The following LIN54 variants were observed in gnomAD, a reference collection of about 807,000 sequenced individuals.
LIN54 encodes protein lin-54 homolog.
LIN54 carries 9 observed loss-of-function variants against 78.7 expected under a neutral mutation model. That is an observed-to-expected ratio of 0.11 (90% CI 0.07 to 0.20). The LOEUF is 0.20. LIN54 is among the 10% of genes least tolerant of loss of function. The pLI is 1.00. For synonymous variants in LIN54, 269 were observed against 318.4 expected (o/e 0.84, Z 1.65); for missense variants, 573 against 889.9 (o/e 0.64, Z 4.53).
chr4:82,941,149 GATATAT>G (rs3081913), intron 5 of LIN54, among the ~76,000 whole-genome samples: 28 of 131,042 alleles, frequency 2.1e-4, no homozygotes, highest in East Asian at 4.9e-4. Flanking sequence ...GAGTTAAGAG[GATATAT>G]ATATATATAT....
At position 82,984,616 on chromosome 4, in the gene LIN54, C is replaced by G. The variant is rs1726958698; in HGVS notation, c.229G>C (p.Ala77Pro). Residue 77 changes from alanine (A) to proline (P), a missense_variant, in exon 2 of 13, where the codon GCA becomes CCA. Physicochemically the swap from Ala to Pro is conservative, Grantham distance 27 (BLOSUM62 -1). This residue lies in a region of LIN54 where 183 missense variants were observed against 228.4 expected (regional missense o/e 0.80). Transcript: ENST00000340417. Reference sequence around the variant, plus strand: ...GCTTTAGTAATTGTGGTATTCACTGCAACTTGGTTAGTGTGGTTACTGTAC... The same window carrying G: ...GCTTTAGTAATTGTGGTATTCACTGGAACTTGGTTAGTGTGGTTACTGTAC... ...TVYSNHTNQV[A>P]VNTTITKADS... 1 of 1,614,186 alleles carries G rather than the reference C, an allele frequency of 6.2e-7. No homozygotes were observed. Among genetic ancestry groups the G allele is most frequent in the Non-Finnish European group, 8.5e-7 (1 of 1,180,034 alleles).
intron 1 of LIN54, among the ~76,000 whole-genome samples, chr4:82,990,150 C>T (rs528552729): frequency 6.6e-6 from 1 of 152,342 alleles, no homozygotes; most frequent in South Asian, 2.1e-4. Flanking sequence ...AGGCCCTCAT[C>T]CTTCCTCCTT....
chr4:82,934,251 C>T (rs1485070626), intron 11 of LIN54, among the ~76,000 whole-genome samples: 2 of 152,054 alleles, frequency 1.3e-5, no homozygotes, highest in African/African-American at 4.8e-5. Flanking sequence ...ACAAAAAATA[C>T]AAAAATTACC....
intron 10 of LIN54, 70 bp downstream of exon 10, chr4:82,936,209 G>A: frequency 1.3e-6 from 2 of 1,550,318 alleles, no homozygotes; most frequent in Non-Finnish European, 1.8e-6. Context: ...TTCTTTGCAA[G>A]ACAATTGAGT....
intron 8 of LIN54, 83 bp from the exon 9 acceptor site, chr4:82,937,381 T>A (rs1345573395): frequency 1.2e-6 from 1 of 848,614 alleles, no homozygotes; most frequent in Non-Finnish European, 1.8e-6. Flanking sequence ...AATTTAAAAT[T>A]TAAAAAATTA....
chr4:82,978,584 A>G (rs1726364515), intron 3 of LIN54, among the ~76,000 whole-genome samples: 1 of 152,158 alleles, frequency 6.6e-6, no homozygotes, highest in Non-Finnish European at 1.5e-5. Flanking sequence ...CTATATGTAA[A>G]GGGCTAAGAA....
At chr4:82,966,923 T>C (rs1725249367) in intron 4 of LIN54, among the ~76,000 whole-genome samples, 1 of 151,474 alleles carries the variant, frequency 6.6e-6, no homozygotes, top group Non-Finnish European at 1.5e-5. Flanking sequence ...CATCTGAATC[T>C]TTTTTGGCTA....
At chr4:82,982,323 G>A (rs753561199) in intron 2 of LIN54, among the ~76,000 whole-genome samples, 3 of 152,014 alleles carry the variant, frequency 2.0e-5, no homozygotes, top group Non-Finnish European at 4.4e-5. Context: ...AGACCTCCCC[G>A]GCTCAAGCGA....
At position 82,970,372 on chromosome 4, in the gene LIN54, C is replaced by T. The variant is rs761199348; in HGVS notation, c.906G>A (p.Gln302=). Residue 302 remains glutamine, a synonymous_variant, in exon 4 of 13, where the codon CAG becomes CAA. Coordinates refer to ENST00000340417, the MANE Select transcript of LIN54 (RefSeq NM_194282.4). ...VIGSTLNSTT[Q]TPNKIAISPL... is the part of the protein sequence containing the mutation. ...GTGAGATGGCTATTTTATTTGGTGT[C>T]TGTGTTGTAGAATTTAAAGTTGATC... 5.0e-6 allele frequency: 8 copies of T among 1,612,148 alleles called. No homozygotes were observed. In the East Asian group the frequency reaches 1.8e-4, roughly 36 times the overall value.
At chr4:82,940,294 AAAG>A (rs1722742660) in intron 5 of LIN54, among the ~76,000 whole-genome samples, 1 of 152,256 alleles carries the variant, frequency 6.6e-6, no homozygotes, top group Non-Finnish European at 1.5e-5. Context: ...TGTATAAATA[AAAG>A]AACTGTCATT....
intron 4 of LIN54, among the ~76,000 whole-genome samples, chr4:82,967,807 CA>C (rs1368907242): frequency 6.6e-6 from 1 of 152,188 alleles, no homozygotes; most frequent in Non-Finnish European, 1.5e-5. Flanking sequence ...CTCAGTCAAA[CA>C]AAACCTTGTC....
At position 82,926,167 on chromosome 4, in the gene LIN54, TCA is replaced by T. The variant is rs1191288958; in HGVS notation, c.*1933_*1934del. The T allele has an allele frequency of 1.3e-5, 2 of 152,554 alleles. No homozygotes were observed. Among genetic ancestry groups the T allele is most frequent in the Non-Finnish European group, 2.9e-5 (2 of 68,004 alleles). 9.5% of individuals were successfully genotyped at this position (152,554 alleles called of 1,614,324 possible). A position where few individuals can be genotyped will look rare whatever the true frequency, so the allele number is the denominator to read the frequency against. ...TCTGCACACTGTATATAAATACACATCACAAAGGTGCAATTAGAATTAACACA... is the reference window on the plus strand; with the variant it reads ...TCTGCACACTGTATATAAATACACATCAAAGGTGCAATTAGAATTAACACA... On this transcript the variant is annotated 3_prime_UTR_variant, in exon 13 of 13. Transcript: ENST00000340417.
At chr4:82,966,033 A>T (rs1725174988) in intron 4 of LIN54, among the ~76,000 whole-genome samples, 1 of 152,186 alleles carries the variant, frequency 6.6e-6, no homozygotes, top group Non-Finnish European at 1.5e-5. Flanking sequence ...TTCTACTAAT[A>T]ACCCCCTTAT....
At chr4:82,975,203 C>T (rs554435418) in intron 3 of LIN54, among the ~76,000 whole-genome samples, 5 of 150,076 alleles carry the variant, frequency 3.3e-5, no homozygotes, top group African/African-American at 1.2e-4. Context: ...ACTAAAAATA[C>T]AAAAATTAGC....
rs577771229 is a variant in LIN54 at position 82,999,184 on chromosome 4, A to T, written c.-33+11300T>A. ...TTCATTATGTTTAATGCAATACTGT[A>T]AAACTTGAATAACACTAGGAGACCC... is the stretch of plus-strand genomic sequence containing the variant. On this transcript the variant is annotated intron_variant, in intron 1 of 12. Coordinates refer to ENST00000340417, the MANE Select transcript of LIN54 (RefSeq NM_194282.4). Among the ~76,000 whole-genome samples, 6 of 152,334 alleles carry T rather than the reference A, an allele frequency of 3.9e-5. 1 individual carries two copies. In the South Asian group the frequency reaches 1.2e-3, roughly 32 times the overall value.
chr4:83,000,827 C>CTTTTTTTCTTTTTTTTTTTTTT lies in LIN54; in HGVS notation c.-33+9656_-33+9657insAAAAAAAAAAAAAAGAAAAAAA, dbSNP rs528409899. Among the ~76,000 whole-genome samples, 10 of 120,536 alleles carry CTTTTTTTCTTTTTTTTTTTTTT rather than the reference C, an allele frequency of 8.3e-5. 2 individuals are homozygous for CTTTTTTTCTTTTTTTTTTTTTT. The highest frequency in any genetic ancestry group is 1.6e-4 in the African/African-American group (5 of 30,932). The allele number at this position is 120,536 out of a possible 152,430, so 79.1% of individuals were successfully genotyped here. A position where few individuals can be genotyped will look rare whatever the true frequency, so the allele number is the denominator to read the frequency against. On this transcript the variant is annotated intron_variant, in intron 1 of 12. Transcript: ENST00000340417. The stretch of plus-strand genomic sequence containing the variant: ...GCCATCAAGCCCAAAGCAATAAATT[C>CTTTTTTTCTTTTTTTTTTTTTT]TTTTTTTTTTTTTGGAGATAGAGTC...
Position 82,936,257 on chromosome 4 carries a change from AAATG to A in LIN54, c.1707+18_1707+21del. On this transcript the variant is annotated intron_variant, in intron 10 of 12. Coordinates refer to ENST00000340417, the MANE Select transcript of LIN54 (RefSeq NM_194282.4). ...ATGAAACTGGATATTTCTGTCAGTT[AAATG>A]AAATAAAAAATAATCACCTTTATTG... 1 of 1,512,854 alleles carries A rather than the reference AAATG, an allele frequency of 6.6e-7. No individual in the cohort carries two copies. The highest frequency in any genetic ancestry group is 9.1e-7 in the Non-Finnish European group (1 of 1,104,780). The allele number at this position is 1,512,854 out of a possible 1,614,324, so 93.7% of individuals were successfully genotyped here.
chr4:83,010,848 C>T (rs1003822291), upstream of LIN54: 2 of 1,224,304 alleles, frequency 1.6e-6, no homozygotes, highest in Non-Finnish European at 2.0e-6. Context: ...TCCTCCTCCC[C>T]TCCCCGCCCG....
chr4:82,967,217 T>A (rs1268862501), intron 4 of LIN54, among the ~76,000 whole-genome samples: 2 of 141,446 alleles, frequency 1.4e-5, no homozygotes, highest in Non-Finnish European at 1.5e-5. Flanking sequence ...AGAGCAAGAC[T>A]CCATCTCAAA....
Sources: allele counts gnomAD v4.1 joint callset (sites outside exome capture counted in the v4.1 genomes callset), GRCh38; gene constraint gnomAD v4.1.1; regional missense constraint gnomAD v4.1.1; transcripts MANE v1.5; gene names NCBI Gene and HGNC (gene_info 2026-07-23, HGNC 2026-07-21).